ELF4: variants seen among roughly 807,000 people sequenced by gnomAD.
The protein encoded by ELF4 is E74 like ETS transcription factor 4.
A neutral mutation model predicts 31.7 loss-of-function variants in ELF4; 10 were observed. The observed-to-expected ratio is 0.32, with a 90% CI of 0.19 to 0.54. ELF4 has a LOEUF of 0.54. Ranked by LOEUF, ELF4 falls within the 20% of genes least tolerant of loss-of-function variation. The pLI is 0.95. For synonymous variants in ELF4, 208 were observed against 226.7 expected (o/e 0.92, Z 0.74); for missense variants, 418 against 522.0 (o/e 0.80, Z 1.94).
chrX:130,069,417 C>T lies in ELF4; in HGVS notation c.1070G>A (p.Gly357Asp), dbSNP rs951720816. ...SWEKPKIQHVGLQPSASLELG... is the reference protein window; with the variant it reads ...SWEKPKIQHVDLQPSASLELG... Reference sequence around the variant, plus strand: ...TTCCAGACTCGCAGATGGCTGGAGACCGACATGCTGAATTTTTGGCTTCTC... The same window carrying T: ...TTCCAGACTCGCAGATGGCTGGAGATCGACATGCTGAATTTTTGGCTTCTC... The change falls in exon 8 of 9, where the codon GGT becomes GAT. Residue 357 changes from glycine (G) to aspartate (D), a missense_variant. Gly to Asp is a moderately conservative substitution (Grantham distance 94). Coordinates refer to ENST00000308167, the MANE Select transcript of ELF4 (RefSeq NM_001421.4). The T allele has an allele frequency of 1.7e-6, 2 of 1,211,884 alleles. No individual in the cohort carries two copies. Among genetic ancestry groups the T allele is most frequent in the East Asian group, 3.0e-5 (1 of 33,840 alleles).
In ELF4 at chrX:130,081,282, T is replaced by G; in HGVS notation, c.49A>C (p.Asn17His). Residue 17 changes from asparagine (N) to histidine (H), a missense_variant, in exon 2 of 9, where the codon AAC (asparagine) becomes CAC (histidine). Physicochemically the swap from Asn to His is moderately conservative, Grantham distance 68 (BLOSUM62 1). This residue lies in a region of ELF4 where 35 missense variants were observed against 76.4 expected (regional missense o/e 0.46). Coordinates refer to ENST00000308167, the MANE Select transcript of ELF4 (RefSeq NM_001421.4). Reference protein sequence around the residue: ...PSDLIFEFASNGMDDDIHQLE... With the variant: ...PSDLIFEFASHGMDDDIHQLE... ...TGGTGGATATCATCATCCATCCCGTTGCTTGCGAACTCAAAGATCAGGTCA... is the reference window on the plus strand; with the variant it reads ...TGGTGGATATCATCATCCATCCCGTGGCTTGCGAACTCAAAGATCAGGTCA... The G allele has an allele frequency of 8.2e-7, 1 of 1,212,170 alleles. No homozygotes were observed. Among genetic ancestry groups the G allele is most frequent in the African/African-American group, 1.7e-5 (1 of 57,917 alleles).
At chrX:130,081,932 C>T (rs1932892734) in intron 1 of ELF4, among the ~76,000 whole-genome samples, 2 of 112,079 alleles carry the variant, frequency 1.8e-5, no homozygotes, top group South Asian at 7.4e-4. Context: ...GGAGTCAGGG[C>T]GCCTGGCCTG....
intron 1 of ELF4, among the ~76,000 whole-genome samples, chrX:130,102,875 AG>A (rs1933292797): frequency 1.1e-3 from 72 of 67,570 alleles, no homozygotes; most frequent in African/African-American, 1.6e-3. Context: ...AGAGAGAGAG[AG>A]AGAGAGAGAG....
chrX:130,092,032 T>A (rs1018253715), intron 1 of ELF4, among the ~76,000 whole-genome samples: 1 of 112,116 alleles, frequency 8.9e-6, no homozygotes, highest in Non-Finnish European at 1.9e-5. Flanking sequence ...CTGACCTTTC[T>A]GCCCTCCTCT....
chrX:130,111,562 C>T (rs1001031186), upstream of ELF4, among the ~76,000 whole-genome samples: 2 of 112,260 alleles, frequency 1.8e-5, no homozygotes, highest in South Asian at 3.7e-4. Flanking sequence ...TGGAGAGTTT[C>T]GGCGACTTCT....
chrX:130,067,157 G>A lies in ELF4; in HGVS notation c.1556C>T (p.Thr519Ile), dbSNP rs1411302299. The stretch of plus-strand genomic sequence containing the variant: ...AGTCCTGATGAAGGCAGCAATGACA[G>A]TCCCAGGGGGCTGAGAGCTGGGCCC... ...PAGPSSQPPG[T>I]VIAAFIRTSG... Residue 519 changes from threonine to isoleucine, a missense_variant, in exon 9 of 9, where the codon ACT (threonine) becomes ATT (isoleucine). Coordinates refer to ENST00000308167, the MANE Select transcript of ELF4 (RefSeq NM_001421.4). 1.3e-5 allele frequency: 16 copies of A among 1,203,173 alleles called. No homozygotes were observed. Among genetic ancestry groups the A allele is most frequent in the Non-Finnish European group, 4.5e-6 (4 of 890,415 alleles).
At position 130,074,264 on chromosome X, in the gene ELF4, C is replaced by A. The variant is rs991513334; in HGVS notation, c.248-123G>T. ...GGTGGTAAGCATCCTTCGGGCTGACCCTGAAGTGAGTGCTAAGTGAGGGAG... is the reference window on the plus strand; with the variant it reads ...GGTGGTAAGCATCCTTCGGGCTGACACTGAAGTGAGTGCTAAGTGAGGGAG... On this transcript the variant is annotated intron_variant, in intron 3 of 8. Coordinates refer to ENST00000308167, the MANE Select transcript of ELF4 (RefSeq NM_001421.4). 1.0e-5 allele frequency: 8 copies of A among 784,764 alleles called. No homozygotes were observed. In the African/African-American group the frequency reaches 1.6e-4, roughly 16 times the overall value. 64.7% of individuals were successfully genotyped at this position (784,764 alleles called of 1,213,427 possible). A position where few individuals can be genotyped will look rare whatever the true frequency, so the allele number is the denominator to read the frequency against.
chrX:130,075,558 G>T (rs1366814257), intron 2 of ELF4, among the ~76,000 whole-genome samples: 1 of 112,300 alleles, frequency 8.9e-6, no homozygotes. Flanking sequence ...TTACAGGCGT[G>T]AGCCACTGCA....
At chrX:130,086,858 G>A (rs1038975618) in intron 1 of ELF4, among the ~76,000 whole-genome samples, 2 of 112,311 alleles carry the variant, frequency 1.8e-5, no homozygotes, top group Non-Finnish European at 3.8e-5. Context: ...TGGGGCTGGA[G>A]GGTTCCAGTT....
At chrX:130,074,168 GAGA>G in intron 3 of ELF4, 27 bp from the exon 4 acceptor site, 1 of 1,198,543 alleles carries the variant, frequency 8.3e-7, no homozygotes, top group East Asian at 3.0e-5. Context: ...GGTGGGAGGA[GAGA>G]AGAAAAGTTC....
chrX:130,101,992 A>C (rs2124633129), intron 1 of ELF4, among the ~76,000 whole-genome samples: 1 of 110,127 alleles, frequency 9.1e-6, no homozygotes, highest in African/African-American at 3.3e-5. Context: ...TATTTAAAAA[A>C]AAATTTAGCT....
rs770026976 is a variant in ELF4, at chrX:130,094,057, C to A, written c.-209-12518G>T. On this transcript the variant is annotated intron_variant, in intron 1 of 8. Transcript: ENST00000308167. ...GACCAGCCTGGCCAACATGGAGGCA[C>A]CCCGTCTCTACTAAAAATACAAAAA... Among the ~76,000 whole-genome samples the A allele has an allele frequency of 1.2e-3, 132 of 111,197 alleles. 1 individual carries two copies. The highest frequency in any genetic ancestry group is 4.3e-3 in the African/African-American group (130 of 30,582).
intron 1 of ELF4, among the ~76,000 whole-genome samples, chrX:130,092,166 T>TC (rs34420745): frequency 4.7e-4 from 53 of 112,402 alleles, no homozygotes; most frequent in Non-Finnish European, 9.6e-4. Flanking sequence ...CTCTCACCTC[T>TC]CCCCAGCCTC....
intron 1 of ELF4, among the ~76,000 whole-genome samples, chrX:130,089,550 A>T (rs1204397030): frequency 1.1e-5 from 1 of 94,678 alleles, no homozygotes; most frequent in Non-Finnish European, 2.0e-5. Flanking sequence ...CCTCTCCTTG[A>T]GTCAGAGTCC....
intron 1 of ELF4, among the ~76,000 whole-genome samples, chrX:130,102,077 C>T (rs1007857037): frequency 3.6e-5 from 4 of 112,414 alleles, no homozygotes; most frequent in African/African-American, 1.3e-4. Context: ...ACCCAGGAAG[C>T]AGAGGTTGCA....
chrX:130,109,011 C>T (rs1462442247), intron 1 of ELF4, among the ~76,000 whole-genome samples: 3 of 112,808 alleles, frequency 2.7e-5, no homozygotes, highest in Non-Finnish European at 5.6e-5. Flanking sequence ...GTTGAGAAAG[C>T]ACTTTATAAC....
At chrX:130,072,609 C>T (rs957865115) in intron 4 of ELF4, among the ~76,000 whole-genome samples, 192 bp from the exon 5 acceptor site, 1 of 112,459 alleles carries the variant, frequency 8.9e-6, no homozygotes, top group African/African-American at 3.2e-5. Context: ...GAGCTGTGGG[C>T]ACAAGCTGGC....
chrX:130,077,386 C>G (rs190283058), intron 2 of ELF4, among the ~76,000 whole-genome samples: 1 of 109,933 alleles, frequency 9.1e-6, no homozygotes, highest in East Asian at 2.8e-4. Flanking sequence ...ACCTTCACCT[C>G]CTGGGCTCAA....
intron 3 of ELF4, 42 bp downstream of exon 3, chrX:130,074,539 C>A: frequency 8.3e-7 from 1 of 1,210,338 alleles, no homozygotes; most frequent in Non-Finnish European, 1.1e-6. Flanking sequence ...AGACACAGCC[C>A]CTTTTTCTAC....
Sources: allele counts gnomAD v4.1 joint callset (sites outside exome capture counted in the v4.1 genomes callset), GRCh38; gene constraint gnomAD v4.1.1; regional missense constraint gnomAD v4.1.1; transcripts MANE v1.5; gene names NCBI Gene and HGNC (gene_info 2026-07-23, HGNC 2026-07-21).